Variants in SPDYE1 observed in about 807,000 individuals in gnomAD.
SPDYE1 encodes the protein speedy protein E1.
SPDYE1 carries 29 observed loss-of-function variants against 45.9 expected under a neutral mutation model. That is an observed-to-expected ratio of 0.63 (90% CI 0.47 to 0.86). The LOEUF (loss-of-function observed/expected upper bound fraction) is 0.86, where lower values mean the gene tolerates loss of function less well. SPDYE1 is among the 40% of genes least tolerant of loss of function. The pLI is 0.00. For missense variants in SPDYE1, 346 were observed against 481.4 expected, an observed-to-expected ratio of 0.72 and a Z score of 2.63; for synonymous variants, 134 against 176.8, an observed-to-expected ratio of 0.76 and a Z score of 1.92.
rs909841861 is a variant in SPDYE1, at chr7:44,009,042, T to A, written c.*421T>A. ...GCATTTGAAGGCACAATGCAGGGGC[T>A]CAGATTGGCACAGAATTCTTTTGTG... On this transcript the variant is annotated 3_prime_UTR_variant, in exon 9 of 9. Transcript: ENST00000693451. 1 of 337,700 alleles carries A rather than the reference T, an allele frequency of 3.0e-6. No homozygotes were observed. The highest frequency in any genetic ancestry group is 2.2e-5 in the African/African-American group (1 of 44,938). 20.9% of individuals were successfully genotyped at this position (337,700 alleles called of 1,614,324 possible).
intron 3 of SPDYE1, among the ~76,000 whole-genome samples, chr7:44,001,670 C>T (rs906855612): frequency 8.6e-5 from 13 of 151,992 alleles, no homozygotes; most frequent in African/African-American, 3.1e-4. Context: ...AAAACGAAGG[C>T]CGGGTGTGGT....
At position 44,001,416 on chromosome 7, in the gene SPDYE1, G is replaced by A; in HGVS notation, c.379+132G>A. 3 of 1,527,082 alleles carry A rather than the reference G, an allele frequency of 2.0e-6. No homozygotes were observed. The South Asian group carries it at 3.7e-5, about 19-fold the overall frequency. The allele number at this position is 1,527,082 out of a possible 1,614,324, so 94.6% of individuals were successfully genotyped here. On this transcript the variant is annotated intron_variant, in intron 3 of 8. Coordinates refer to ENST00000693451, the MANE Select transcript of SPDYE1 (RefSeq NM_001378423.2). ...GATCTCCACGCAGGAGGACTCAGAAGTGATCACTCATGAGGGACACTTAGG... is the reference window on the plus strand; with the variant it reads ...GATCTCCACGCAGGAGGACTCAGAAATGATCACTCATGAGGGACACTTAGG...
In SPDYE1 at chr7:43,999,563, A is replaced by G. The variant is rs2096059928; in HGVS notation, c.-387A>G. On this transcript the variant is annotated 5_prime_UTR_variant, in exon 2 of 9. Coordinates refer to ENST00000693451, the MANE Select transcript of SPDYE1 (RefSeq NM_001378423.2). ...GAAATGGGCACGTACAGAGACGAAG[A>G]GACCCCAACATGCTTCAGGCTTTGA... is the stretch of plus-strand genomic sequence containing the variant. Among the ~76,000 whole-genome samples the G allele has an allele frequency of 1.3e-5, 2 of 152,038 alleles. No homozygotes were observed. Among genetic ancestry groups the G allele is most frequent in the South Asian group, 4.2e-4 (2 of 4,810 alleles).
At chr7:44,000,916 G>T in intron 2 of SPDYE1, 150 bp from the exon 3 acceptor site, 15 of 1,554,038 alleles carry the variant, frequency 9.7e-6, no homozygotes, top group Non-Finnish European at 1.3e-5. Context: ...GGCACATGGG[G>T]TTGAGCAGAG....
At position 44,000,049 on chromosome 7, in the gene SPDYE1, C is replaced by A. The variant is rs1231115717; in HGVS notation, c.100C>A (p.Arg34=). The change falls in exon 2 of 9, where the codon CGG becomes AGG. Residue 34 remains arginine, a synonymous_variant. Transcript: ENST00000693451. ...CCGCCAGAATGAGCAGAGTCCCCAG[C>A]GGAGCACCTCGGGGTACCCCCTCCA... ...PHRQNEQSPQ[R]STSGYPLQEV... The A allele has an allele frequency of 1.5e-5, 15 of 985,222 alleles. No individual in the cohort carries two copies. Among genetic ancestry groups the A allele is most frequent in the African/African-American group, 1.7e-5 (1 of 57,214 alleles). The allele number at this position is 985,222 out of a possible 1,614,324, so 61.0% of individuals were successfully genotyped here. A position where few individuals can be genotyped will look rare whatever the true frequency, so the allele number is the denominator to read the frequency against.
At chr7:44,006,663 G>A (rs1295582661) in intron 6 of SPDYE1, among the ~76,000 whole-genome samples, 1 of 152,172 alleles carries the variant, frequency 6.6e-6, no homozygotes, top group African/African-American at 2.4e-5. Flanking sequence ...CTCTCAGGCT[G>A]GAATGGAGTG....
intron 6 of SPDYE1, among the ~76,000 whole-genome samples, chr7:44,005,645 T>C (rs2096070212): frequency 2.1e-5 from 3 of 142,612 alleles, no homozygotes; most frequent in Middle Eastern, 7.5e-3. Context: ...GCCACTGCAC[T>C]CCAGCCTGGG....
intron 1 of SPDYE1, among the ~76,000 whole-genome samples, chr7:43,999,004 G>C (rs2096058982): frequency 6.7e-6 from 1 of 149,012 alleles, no homozygotes; most frequent in African/African-American, 2.5e-5. Flanking sequence ...TAGTCTTTTT[G>C]TACATGTGAT....
At position 44,000,030 on chromosome 7, in the gene SPDYE1, G is replaced by A; in HGVS notation, c.81G>A (p.Gln27=). The A allele has an allele frequency of 1.0e-6, 1 of 985,440 alleles. No individual in the cohort carries two copies. The highest frequency in any genetic ancestry group is 1.2e-6 in the Non-Finnish European group (1 of 829,938). The allele number at this position is 985,440 out of a possible 1,614,324, so 61.0% of individuals were successfully genotyped here. A position where few individuals can be genotyped will look rare whatever the true frequency, so the allele number is the denominator to read the frequency against. Residue 27 remains glutamine, a synonymous_variant, in exon 2 of 9, where the codon CAG becomes CAA. Coordinates refer to ENST00000693451, the MANE Select transcript of SPDYE1 (RefSeq NM_001378423.2). The part of the protein sequence containing the change: ...KITTSRQPHR[Q]NEQSPQRSTS... ...CGACCAGCCGTCAACCGCACCGCCA[G>A]AATGAGCAGAGTCCCCAGCGGAGCA...
At chr7:43,999,293 G>C (rs2096059422) in intron 1 of SPDYE1, among the ~76,000 whole-genome samples, 1 of 152,176 alleles carries the variant, frequency 6.6e-6, no homozygotes, top group Admixed American at 6.5e-5. Flanking sequence ...TGTACCCCCA[G>C]TACAGAATCT....
chr7:43,998,665 A>AT (rs889460036), intron 1 of SPDYE1, among the ~76,000 whole-genome samples: 2 of 116,698 alleles, frequency 1.7e-5, no homozygotes, highest in African/African-American at 3.5e-5. Flanking sequence ...TAACTCTTTT[A>AT]TTTTTTATCA....
Position 43,999,596 on chromosome 7 carries a change from G to A in SPDYE1, c.-354G>A, listed in dbSNP as rs1238834864. 6.6e-6 allele frequency among the ~76,000 whole-genome samples: 1 copy of A among 151,530 alleles called. No homozygotes were observed. The highest frequency in any genetic ancestry group is 1.5e-5 in the Non-Finnish European group (1 of 67,940). ...ACATGCTTCAGGCTTTGAGTGGAGAGGACACAGCCTCTGCTGGGACAGGGA... is the reference window on the plus strand; with the variant it reads ...ACATGCTTCAGGCTTTGAGTGGAGAAGACACAGCCTCTGCTGGGACAGGGA... On this transcript the variant is annotated 5_prime_UTR_variant, in exon 2 of 9. Coordinates refer to ENST00000693451, the MANE Select transcript of SPDYE1 (RefSeq NM_001378423.2).
intron 5 of SPDYE1, chr7:44,004,272 C>T: frequency 5.3e-6 from 2 of 375,308 alleles, no homozygotes; most frequent in Non-Finnish European, 4.9e-6. Flanking sequence ...TGACCTCAGG[C>T]AATCCACCCA....
In SPDYE1 at chr7:44,007,290, G is replaced by A. The variant is rs1173637912; in HGVS notation, c.775G>A (p.Glu259Lys). 15 of 1,612,742 alleles carry A rather than the reference G, an allele frequency of 9.3e-6. No homozygotes were observed. The highest frequency in any genetic ancestry group is 1.3e-5 in the Non-Finnish European group (15 of 1,180,000). ...LALYLANDME[E>K]DDEDSKQNIF... ...CAGCTACCTGGCCAATGACATGGAG[G>A]AGGACGACGAGGACTCCAAACAAAA... Residue 259 changes from glutamate to lysine, a missense_variant, in exon 7 of 9, where the codon GAG becomes AAG. Coordinates refer to ENST00000693451, the MANE Select transcript of SPDYE1 (RefSeq NM_001378423.2).
rs1273068568 is a variant in SPDYE1 at position 44,001,304 on chromosome 7, A to G, written c.379+20A>G. On this transcript the variant is annotated intron_variant, in intron 3 of 8. Transcript: ENST00000693451. ...AGCTTGGTAGGAGGACACCCCAGAG[A>G]GCACCTCCAATCCTGTTCTTTCTAA... 6.3e-7 allele frequency: 1 copy of G among 1,597,350 alleles called. No homozygotes were observed. The highest frequency in any genetic ancestry group is 2.2e-5 in the East Asian group (1 of 44,860).
rs772590335 is a variant in SPDYE1 at position 44,001,289 on chromosome 7, G to A, written c.379+5G>A. 1.9e-6 allele frequency: 3 copies of A among 1,596,486 alleles called. No individual in the cohort carries two copies. The highest frequency in any genetic ancestry group is 2.2e-5 in the South Asian group (2 of 89,996). On this transcript the variant is annotated splice_donor_5th_base_variant and intron_variant, in intron 3 of 8. Transcript: ENST00000693451. Reference sequence around the variant, plus strand: ...AGGACTTCAACAGTCAGCTTGGTAGGAGGACACCCCAGAGAGCACCTCCAA... The same window carrying A: ...AGGACTTCAACAGTCAGCTTGGTAGAAGGACACCCCAGAGAGCACCTCCAA...
rs2096073224 is a variant in SPDYE1, at chr7:44,007,493, C to G, written c.978C>G (p.Asn326Lys). The G allele has an allele frequency of 6.2e-7, 1 of 1,613,746 alleles. No individual in the cohort carries two copies. Among genetic ancestry groups the G allele is most frequent in the African/African-American group, 1.3e-5 (1 of 74,934 alleles). ...GCATGAACCCGAGGGCCAGGAAGAACCGCTCTCAGATAGTCCTGTTCCAGA... is the reference window on the plus strand; with the variant it reads ...GCATGAACCCGAGGGCCAGGAAGAAGCGCTCTCAGATAGTCCTGTTCCAGA... ...RRCMNPRARK[N>K]RSQIVLFQKR... is the part of the protein sequence containing the mutation. The change falls in exon 7 of 9, where the codon AAC (asparagine) becomes AAG (lysine). Residue 326 changes from asparagine (N) to lysine (K), a missense_variant. By Grantham distance (94) the Asn-to-Lys change is moderately conservative. Transcript: ENST00000693451.
intron 2 of SPDYE1, among the ~76,000 whole-genome samples, chr7:44,000,313 G>A (rs929959563): frequency 1.3e-5 from 2 of 150,740 alleles, no homozygotes; most frequent in Non-Finnish European, 3.0e-5. Flanking sequence ...CCAAGTGGTA[G>A]TGGTGCACAC....
chr7:44,001,925 GTGAGACGC>G (rs1434427229), intron 3 of SPDYE1, among the ~76,000 whole-genome samples: 1 of 150,686 alleles, frequency 6.6e-6, no homozygotes, highest in Non-Finnish European at 1.5e-5. Flanking sequence ...GGGTGAGAGA[GTGAGACGC>G]TGTCTCAAAA....
Sources: gnomAD v4.1 joint callset for allele counts (sites outside exome capture counted in the v4.1 genomes callset) on GRCh38, gnomAD v4.1.1 for gene constraint, MANE v1.5 for transcripts, NCBI Gene and HGNC (gene_info 2026-07-23, HGNC 2026-07-21) for gene names.